NAV3: variants seen among roughly 807,000 people sequenced by gnomAD.
NAV3 encodes the protein pore membrane and/or filament interacting like protein 1.
NAV3 carries 87 observed loss-of-function variants against 244.7 expected under a neutral mutation model. The observed-to-expected ratio is 0.36, with a 90% CI of 0.30 to 0.42. The LOEUF is 0.42. Ranked by LOEUF, NAV3 falls within the 20% of genes least tolerant of loss-of-function variation. NAV3 has a pLI of 1.00. For missense variants in NAV3, 2,663 were observed against 2,893.3 expected, an observed-to-expected ratio of 0.92 and a Z score of 1.83; for synonymous variants, 1,126 against 1,042.2, an observed-to-expected ratio of 1.08 and a Z score of -1.55.
chr12:78,169,474 G>A (rs530014098), intron 24 of NAV3, among the ~76,000 whole-genome samples: 1 of 151,800 alleles, frequency 6.6e-6, no homozygotes, highest in East Asian at 1.9e-4. Context: ...CACCACTGAA[G>A]AAATGCTCAT....
At chr12:77,599,941 A>G (rs1028096263) in intron 2 of NAV3, among the ~76,000 whole-genome samples, 4 of 151,942 alleles carry the variant, frequency 2.6e-5, no homozygotes, top group Admixed American at 6.6e-5. Context: ...CACACTGTGA[A>G]TAGAAAGTCA....
intron 1 of NAV3, among the ~76,000 whole-genome samples, chr12:77,875,790 C>T (rs1034005481): frequency 7.2e-5 from 11 of 151,928 alleles, no homozygotes; most frequent in African/African-American, 2.7e-4. Flanking sequence ...TGTCTCCACT[C>T]GTGTTCTTGT....
At chr12:77,734,935 C>G (rs1877275297) in intron 2 of NAV3, among the ~76,000 whole-genome samples, 1 of 152,006 alleles carries the variant, frequency 6.6e-6, no homozygotes, top group African/African-American at 2.4e-5. Context: ...TTTTAATAGC[C>G]TTGATGTTTT....
rs2136579609 is a variant in NAV3, at chr12:78,006,971, T to A, written c.1433T>A (p.Val478Asp). ...KEEKNRDKNK[V>D]CTEKPVKEEK... is the part of the protein sequence containing the mutation. ...GAAAAGAACAGGGACAAAAATAAAG[T>A]TTGCACTGAAAAACCAGTCAAAGAA... Residue 478 changes from valine to aspartate, a missense_variant, in exon 8 of 40, where the codon GTT (valine) becomes GAT (aspartate). Coordinates refer to ENST00000397909, the MANE Select transcript of NAV3 (RefSeq NM_001024383.2). 1.9e-6 allele frequency: 3 copies of A among 1,613,798 alleles called. No homozygotes were observed. Among genetic ancestry groups the A allele is most frequent in the Non-Finnish European group, 2.5e-6 (3 of 1,179,962 alleles).
intron 5 of NAV3, among the ~76,000 whole-genome samples, chr12:77,977,911 T>C (rs570700886): frequency 6.6e-6 from 1 of 152,246 alleles, no homozygotes; most frequent in East Asian, 1.9e-4. Flanking sequence ...TCAGTCCAAG[T>C]AAACAAAGGA....
chr12:77,743,397 T>C (rs1197663627), intron 2 of NAV3, among the ~76,000 whole-genome samples: 1 of 151,898 alleles, frequency 6.6e-6, no homozygotes, highest in Non-Finnish European at 1.5e-5. Flanking sequence ...AAGAGTCAAC[T>C]GTACAAGTTA....
chr12:78,084,336 T>G (rs1018788677), intron 12 of NAV3, among the ~76,000 whole-genome samples: 7 of 152,172 alleles, frequency 4.6e-5, no homozygotes, highest in Admixed American at 2.6e-4. Flanking sequence ...TTACTGTGTA[T>G]GAACTGTCTC....
chr12:77,636,349 C>G (rs775482999), intron 2 of NAV3, among the ~76,000 whole-genome samples: 1 of 151,584 alleles, frequency 6.6e-6, no homozygotes, highest in Non-Finnish European at 1.5e-5. Context: ...GCCTGTAGTC[C>G]CAGCTACTCA....
chr12:77,630,599 C>G (rs1451991697), intron 2 of NAV3, among the ~76,000 whole-genome samples: 1 of 152,108 alleles, frequency 6.6e-6, no homozygotes, highest in East Asian at 1.9e-4. Context: ...TTAAGTATAA[C>G]TGGCTGTGTG....
At chr12:78,065,585 G>T (rs1200292557) in intron 12 of NAV3, among the ~76,000 whole-genome samples, 1 of 152,144 alleles carries the variant, frequency 6.6e-6, no homozygotes, top group Admixed American at 6.5e-5. Context: ...GAGGAAATAT[G>T]CAATACTATA....
At chr12:77,585,435 G>C (rs1204153730) in intron 2 of NAV3, among the ~76,000 whole-genome samples, 3 of 152,136 alleles carry the variant, frequency 2.0e-5, no homozygotes, top group Non-Finnish European at 4.4e-5. Context: ...GACAGAGTTG[G>C]TTTCAATAAC....
chr12:78,196,048 A>G (rs1387426670), intron 34 of NAV3, among the ~76,000 whole-genome samples: 6 of 152,052 alleles, frequency 3.9e-5, no homozygotes. Context: ...CGCAGTAGAT[A>G]GACAGTGCAT....
rs202009742 is a variant in NAV3 at position 77,909,451 on chromosome 12, GAAGA to G, written c.244-30861_244-30858del. ...AAATCTTTAATTCCAAAAAAAAAGG[GAAGA>G]AAGAAAAGAAACAGTATGTTATTAG... On this transcript the variant is annotated intron_variant, in intron 1 of 39. Coordinates refer to ENST00000397909, the MANE Select transcript of NAV3 (RefSeq NM_001024383.2). Among the ~76,000 whole-genome samples, 1,223 of 151,958 alleles carry G rather than the reference GAAGA, an allele frequency of 8.0e-3. 13 individuals carry two copies. Among genetic ancestry groups the G allele is most frequent in the South Asian group, 0.043 (205 of 4,814 alleles).
chr12:77,803,489 G>A (rs1219986405), intron 2 of NAV3, among the ~76,000 whole-genome samples: 1 of 152,138 alleles, frequency 6.6e-6, no homozygotes, highest in East Asian at 1.9e-4. Context: ...AGTATTCCAT[G>A]GTGTATATGG....
At chr12:78,206,676 T>C (rs1444226960) in intron 39 of NAV3, among the ~76,000 whole-genome samples, 1 of 151,982 alleles carries the variant, frequency 6.6e-6, no homozygotes, top group Non-Finnish European at 1.5e-5. Context: ...GGCATGAGAA[T>C]TGGGGTAAAA....
At chr12:78,054,362 T>A (rs1031018204) in intron 11 of NAV3, among the ~76,000 whole-genome samples, 34 of 152,230 alleles carry the variant, frequency 2.2e-4, no homozygotes, top group African/African-American at 7.5e-4. Flanking sequence ...GATAATGTCT[T>A]AGAGATAGGC....
chr12:78,148,553 A>G (rs898953629), intron 21 of NAV3, among the ~76,000 whole-genome samples: 1 of 152,180 alleles, frequency 6.6e-6, no homozygotes, highest in African/African-American at 2.4e-5. Flanking sequence ...AGAAGAATCA[A>G]TACAGAGGGT....
intron 2 of NAV3, among the ~76,000 whole-genome samples, chr12:77,634,510 G>T (rs1872068032): frequency 6.6e-6 from 1 of 152,178 alleles, no homozygotes; most frequent in Non-Finnish European, 1.5e-5. Context: ...ACCACAGTCA[G>T]TTGTAAGCAA....
chr12:77,766,314 T>C (rs1200516675), intron 2 of NAV3, among the ~76,000 whole-genome samples: 3 of 152,186 alleles, frequency 2.0e-5, no homozygotes, highest in Admixed American at 2.0e-4. Context: ...ACCACCTTTT[T>C]CTCTCTCTTC....
Sources: gnomAD v4.1 joint callset for allele counts (sites outside exome capture counted in the v4.1 genomes callset) on GRCh38, gnomAD v4.1.1 for gene constraint, MANE v1.5 for transcripts, NCBI Gene and HGNC (gene_info 2026-07-23, HGNC 2026-07-21) for gene names.